Variants in TBC1D8B observed in about 807,000 individuals in gnomAD.
The protein encoded by TBC1D8B is TBC1 domain family member 8B.
A neutral mutation model predicts 82.9 loss-of-function variants in TBC1D8B; 75 were observed. That is an observed-to-expected ratio of 0.90 (90% CI 0.75 to 1.10). TBC1D8B has a LOEUF of 1.10. Ranked by LOEUF, TBC1D8B falls within the 50% of genes least tolerant of loss-of-function variation. TBC1D8B has a pLI of 0.00. For missense variants in TBC1D8B, 794 were observed against 796.9 expected (o/e 1.00, Z 0.04); for synonymous variants, 276 against 276.8 (o/e 1.00, Z 0.03).
chrX:106,805,023 A>G (rs1262348789), intron 1 of TBC1D8B, among the ~76,000 whole-genome samples: 1 of 108,254 alleles, frequency 9.2e-6, no homozygotes, highest in Non-Finnish European at 1.9e-5. Flanking sequence ...TGAAAATATA[A>G]TCACTGTAAT....
chrX:106,802,804 A>C lies in TBC1D8B; in HGVS notation c.-50A>C. ...GAGGGGAAGAGACGGGTTGAGAGTG[A>C]GGTGAGGAGGGCATCTAGGTCACTG... On this transcript the variant is annotated 5_prime_UTR_variant, in exon 1 of 21. Transcript: ENST00000357242. 1 of 1,201,571 alleles carries C rather than the reference A, an allele frequency of 8.3e-7. No homozygotes were observed. Among genetic ancestry groups the C allele is most frequent in the Non-Finnish European group, 1.1e-6 (1 of 889,426 alleles).
chrX:106,840,245 C>G, intron 9 of TBC1D8B, 47 bp downstream of exon 9: 7 of 1,122,170 alleles, frequency 6.2e-6, no homozygotes, highest in Non-Finnish European at 8.5e-6. Flanking sequence ...TTAACTATGC[C>G]TTTCTAGGAG....
chrX:106,824,433 G>C, intron 5 of TBC1D8B, among the ~76,000 whole-genome samples: 1 of 111,113 alleles, frequency 9.0e-6, no homozygotes, highest in South Asian at 3.8e-4. Flanking sequence ...GGATTTGTTT[G>C]TGAGCCTCCC....
chrX:106,838,441 A>C (rs1238788586), intron 7 of TBC1D8B, among the ~76,000 whole-genome samples: 1 of 111,736 alleles, frequency 8.9e-6, no homozygotes, highest in Non-Finnish European at 1.9e-5. Context: ...GTCAAACTTC[A>C]GGCAATTTTC....
At chrX:106,860,215 C>A (rs1379075333) in intron 14 of TBC1D8B, among the ~76,000 whole-genome samples, 1 of 110,672 alleles carries the variant, frequency 9.0e-6, no homozygotes. Flanking sequence ...TAAAAGAATG[C>A]GTTAAGGAGG....
chrX:106,853,570 C>T lies in TBC1D8B; in HGVS notation c.2173C>T (p.Gln725Ter). 8.3e-7 allele frequency: 1 copy of T among 1,206,944 alleles called. No homozygotes were observed. The highest frequency in any genetic ancestry group is 1.1e-6 in the Non-Finnish European group (1 of 891,552). ...NKDSPLPSNV[Q>*]QGSNVSDEKT... ...GGATAGTCCATTGCCTTCAAATGTT[C>T]AGCAAGGTTCAAATGTGAGTGATGA... The change falls in exon 13 of 21, where the codon CAG (glutamine) becomes TAG (stop). Residue 725 changes from glutamine (Q) to a stop codon, truncating the protein, a stop_gained. Coordinates refer to ENST00000357242, the MANE Select transcript of TBC1D8B (RefSeq NM_017752.3). LOFTEE classifies it high-confidence loss of function.
intron 1 of TBC1D8B, among the ~76,000 whole-genome samples, chrX:106,811,990 A>T (rs903661423): frequency 8.9e-6 from 1 of 111,909 alleles, no homozygotes; most frequent in African/African-American, 3.2e-5. Flanking sequence ...AGGGAAGGAA[A>T]TGAGTGCTTA....
chrX:106,862,618 T>C (rs1932783334), intron 14 of TBC1D8B, among the ~76,000 whole-genome samples: 2 of 110,395 alleles, frequency 1.8e-5, no homozygotes, highest in Admixed American at 1.9e-4. Context: ...TCAGCCTGGC[T>C]AAGAACCACT....
At chrX:106,840,910 G>T (rs765339654) in intron 10 of TBC1D8B, 26 bp downstream of exon 10, 1 of 1,149,420 alleles carries the variant, frequency 8.7e-7, no homozygotes, top group African/African-American at 1.8e-5. Flanking sequence ...GAGCCCAACT[G>T]TGTGTATGTT....
Position 106,823,252 on chromosome X carries a change from G to T in TBC1D8B, c.613G>T (p.Val205Phe). Residue 205 changes from valine (V) to phenylalanine (F), a missense_variant, in exon 5 of 21, where the codon GTC becomes TTC. Physicochemically the swap from Val to Phe is conservative, Grantham distance 50 (BLOSUM62 -1). Coordinates refer to ENST00000357242, the MANE Select transcript of TBC1D8B (RefSeq NM_017752.3). Reference sequence around the variant, plus strand: ...AAAACTCATTATCTCCTGGGATGAAGTCTCAAAACTTGAAAAGACTTCAAA... The same window carrying T: ...AAAACTCATTATCTCCTGGGATGAATTCTCAAAACTTGAAAAGACTTCAAA... ...EIKLIISWDEVSKLEKTSNVI... is the reference protein window; with the variant it reads ...EIKLIISWDEFSKLEKTSNVI... 8.3e-7 allele frequency: 1 copy of T among 1,208,257 alleles called. No homozygotes were observed. Among genetic ancestry groups the T allele is most frequent in the Non-Finnish European group, 1.1e-6 (1 of 893,221 alleles).
Position 106,818,775 on chromosome X carries a change from T to C in TBC1D8B, c.241+2T>C. ...AAGTTTACTTGTCAATTGCATGTGGTGAGTATGATTTTTAAAACATAATTC... is the reference window on the plus strand; with the variant it reads ...AAGTTTACTTGTCAATTGCATGTGGCGAGTATGATTTTTAAAACATAATTC... On this transcript the variant is annotated splice_donor_variant, in intron 2 of 20. Transcript: ENST00000357242. LOFTEE classifies it high-confidence loss of function. The C allele has an allele frequency of 8.5e-7, 1 of 1,172,136 alleles. No individual in the cohort carries two copies. Among genetic ancestry groups the C allele is most frequent in the Non-Finnish European group, 1.2e-6 (1 of 863,808 alleles).
chrX:106,863,393 A>T (rs777090908), intron 14 of TBC1D8B, among the ~76,000 whole-genome samples: 1 of 110,829 alleles, frequency 9.0e-6, no homozygotes, highest in East Asian at 2.9e-4. Flanking sequence ...TCATGCCCGC[A>T]TTTCTTTTGT....
chrX:106,829,544 T>C (rs1474228444), intron 7 of TBC1D8B: 1 of 108,969 alleles, frequency 9.2e-6, no homozygotes, highest in Non-Finnish European at 1.9e-5. Context: ...CTTCAAACTA[T>C]ACTACAAGGC....
chrX:106,872,770 G>A (rs945931574), intron 20 of TBC1D8B, among the ~76,000 whole-genome samples: 3 of 109,868 alleles, frequency 2.7e-5, no homozygotes, highest in South Asian at 3.9e-4. Flanking sequence ...AGGAGTTTGA[G>A]ATCAGCCCAG....
chrX:106,838,785 A>G (rs1012127400), intron 7 of TBC1D8B, among the ~76,000 whole-genome samples: 1 of 111,996 alleles, frequency 8.9e-6, no homozygotes, highest in African/African-American at 3.2e-5. Context: ...ATAAAATCAA[A>G]TGATAACAAC....
At chrX:106,862,418 T>C (rs188268361) in intron 14 of TBC1D8B, among the ~76,000 whole-genome samples, 1 of 112,037 alleles carries the variant, frequency 8.9e-6, no homozygotes, top group East Asian at 2.8e-4. Flanking sequence ...TATGAAATTC[T>C]TGTAGTAAGT....
chrX:106,835,269 G>A (rs1305476184), intron 7 of TBC1D8B, among the ~76,000 whole-genome samples: 1 of 112,762 alleles, frequency 8.9e-6, no homozygotes, highest in Admixed American at 9.3e-5. Flanking sequence ...AAGGCTTGGG[G>A]CTTGCACCCT....
intron 10 of TBC1D8B, among the ~76,000 whole-genome samples, chrX:106,845,917 A>G (rs1932432734): frequency 1.8e-5 from 2 of 109,946 alleles, no homozygotes; most frequent in Non-Finnish European, 3.8e-5. Context: ...TCAAATAAAG[A>G]CAGTCTTGTG....
chrX:106,805,832 G>T (rs1931171313), intron 1 of TBC1D8B, among the ~76,000 whole-genome samples: 1 of 112,415 alleles, frequency 8.9e-6, no homozygotes, highest in African/African-American at 3.2e-5. Context: ...ATTTGGATTA[G>T]CTCTCACAGG....
Sources: gnomAD v4.1 joint callset for allele counts (sites outside exome capture counted in the v4.1 genomes callset) on GRCh38, gnomAD v4.1.1 for gene constraint, MANE v1.5 for transcripts, NCBI Gene and HGNC (gene_info 2026-07-23, HGNC 2026-07-21) for gene names.